The following PTPRG variants were observed in gnomAD, a reference collection of about 807,000 sequenced individuals.
The protein encoded by PTPRG is protein tyrosine phosphatase receptor type G.
Under a neutral mutation model 165.3 loss-of-function variants are expected in PTPRG, and 102 were observed. That is an observed-to-expected ratio of 0.62 (90% CI 0.53 to 0.73). The LOEUF (loss-of-function observed/expected upper bound fraction) is 0.73, where lower values mean the gene tolerates loss of function less well. Ranked by LOEUF, PTPRG falls within the 30% of genes least tolerant of loss-of-function variation. PTPRG has a pLI of 0.00. For missense variants in PTPRG, 1,866 were observed against 1,861.4 expected (o/e 1.00, Z -0.05); for synonymous variants, 675 against 669.5 (o/e 1.01, Z -0.13).
At chr3:61,617,809 G>T (rs1451465003) in intron 1 of PTPRG, among the ~76,000 whole-genome samples, 1 of 152,068 alleles carries the variant, frequency 6.6e-6, no homozygotes, top group Non-Finnish European at 1.5e-5. Context: ...TGTTCTTAGG[G>T]CCTGCCTTCT....
At chr3:61,967,394 A>T (rs1043293695) in intron 2 of PTPRG, among the ~76,000 whole-genome samples, 1 of 152,158 alleles carries the variant, frequency 6.6e-6, no homozygotes, top group Non-Finnish European at 1.5e-5. Context: ...CAAGACCTTC[A>T]GTTCATCTCA....
chr3:61,673,133 G>A (rs4499590), intron 1 of PTPRG, among the ~76,000 whole-genome samples: 111,831 of 152,070 alleles, frequency 0.74, 42,076 homozygotes, highest in East Asian at 0.91. Context: ...CTGCACTCCA[G>A]CCTAGGCAAC....
intron 1 of PTPRG, among the ~76,000 whole-genome samples, chr3:61,738,457 G>T (rs572134256): frequency 1.3e-5 from 2 of 151,106 alleles, no homozygotes; most frequent in East Asian, 3.9e-4. Flanking sequence ...CCAAAGTTAG[G>T]TGACATAGTT....
At chr3:61,938,923 A>G (rs2039544995) in intron 2 of PTPRG, among the ~76,000 whole-genome samples, 1 of 152,234 alleles carries the variant, frequency 6.6e-6, no homozygotes, top group Non-Finnish European at 1.5e-5. Context: ...ATTAATTCCC[A>G]TAATAACTGA....
intron 8 of PTPRG, among the ~76,000 whole-genome samples, chr3:62,188,580 C>A (rs955368691): frequency 6.6e-6 from 1 of 151,960 alleles, no homozygotes; most frequent in African/African-American, 2.4e-5. Flanking sequence ...ACTTGGGTTC[C>A]TTTTTTAAAA....
At chr3:61,721,860 G>A (rs528869973) in intron 1 of PTPRG, among the ~76,000 whole-genome samples, 1 of 152,080 alleles carries the variant, frequency 6.6e-6, no homozygotes, top group Non-Finnish European at 1.5e-5. Context: ...GACAATCAGC[G>A]ACCAGTGAAC....
intron 14 of PTPRG, among the ~76,000 whole-genome samples, chr3:62,236,983 T>G (rs1308168696): frequency 6.6e-6 from 1 of 152,114 alleles, no homozygotes; most frequent in Non-Finnish European, 1.5e-5. Flanking sequence ...GTTTGTTTGT[T>G]TGTTTGTTTG....
intron 5 of PTPRG, among the ~76,000 whole-genome samples, chr3:62,105,265 C>T (rs1309944587): frequency 1.3e-5 from 2 of 152,178 alleles, no homozygotes; most frequent in East Asian, 1.9e-4. Context: ...CCAGGGCATC[C>T]GTATTAGCAG....
chr3:62,017,591 A>AT (rs11324791), intron 4 of PTPRG, among the ~76,000 whole-genome samples: 1,836 of 142,796 alleles, frequency 0.013, 50 homozygotes, highest in African/African-American at 0.042. Context: ...AATTTTTTGT[A>AT]TTTTTTTTTT....
intron 1 of PTPRG, among the ~76,000 whole-genome samples, chr3:61,738,275 T>C (rs200393668): frequency 0.042 from 2,876 of 68,654 alleles, 332 homozygotes; most frequent in African/African-American, 0.11. Flanking sequence ...TATATATATA[T>C]ATACATATAT....
intron 1 of PTPRG, among the ~76,000 whole-genome samples, chr3:61,669,547 T>C (rs1000739753): frequency 1.3e-5 from 2 of 152,262 alleles, no homozygotes; most frequent in Admixed American, 6.5e-5. Context: ...CCATTTCAGA[T>C]AGAGAGTTAA....
intron 1 of PTPRG, among the ~76,000 whole-genome samples, chr3:61,653,406 C>A (rs909290918): frequency 6.6e-6 from 1 of 152,072 alleles, no homozygotes; most frequent in African/African-American, 2.4e-5. Context: ...AGTGATCCTC[C>A]ATAAATGGGC....
intron 1 of PTPRG, among the ~76,000 whole-genome samples, chr3:61,566,430 C>T (rs577990595): frequency 1.3e-3 from 198 of 152,346 alleles, no homozygotes; most frequent in African/African-American, 4.4e-3. Flanking sequence ...TTGGCATTCA[C>T]GTGAGATCAC....
At chr3:62,076,498 G>T (rs141727507) in intron 4 of PTPRG, among the ~76,000 whole-genome samples, 2,410 of 149,064 alleles carry the variant, frequency 0.016, 62 homozygotes, top group African/African-American at 0.056. Context: ...GGTTTTTTTT[G>T]TTTGTTTGTT....
At chr3:61,604,720 A>C (rs1418136746) in intron 1 of PTPRG, among the ~76,000 whole-genome samples, 1 of 151,976 alleles carries the variant, frequency 6.6e-6, no homozygotes, top group Non-Finnish European at 1.5e-5. Flanking sequence ...ACTGCCATTC[A>C]TCAGCTTGCT....
intron 1 of PTPRG, among the ~76,000 whole-genome samples, chr3:61,690,750 G>A (rs920568988): frequency 1.3e-5 from 2 of 151,948 alleles, no homozygotes; most frequent in African/African-American, 2.4e-5. Flanking sequence ...GCCCTTCAAA[G>A]TATTTAGCCA....
chr3:62,250,295 C>G (rs577403768), intron 15 of PTPRG, among the ~76,000 whole-genome samples: 25 of 152,198 alleles, frequency 1.6e-4, no homozygotes, highest in South Asian at 4.2e-4. Flanking sequence ...CCACTTATAC[C>G]GCTGCCTCTG....
At chr3:61,831,306 A>G (rs1427839940) in intron 2 of PTPRG, among the ~76,000 whole-genome samples, 1 of 152,240 alleles carries the variant, frequency 6.6e-6, no homozygotes, top group Admixed American at 6.5e-5. Flanking sequence ...ATACCCATTT[A>G]TGGTGAAGAG....
In PTPRG at chr3:61,642,244, C is replaced by T. The variant is rs114648022; in HGVS notation, c.85+79872C>T. On this transcript the variant is annotated intron_variant, in intron 1 of 29. Coordinates refer to ENST00000474889, the MANE Select transcript of PTPRG (RefSeq NM_002841.4). Reference sequence around the variant, plus strand: ...GCGTATGCCTCTCTCTCCTTGGGGCCGTCAGCCTTGCAGTTTGTAAAGCCA... The same window carrying T: ...GCGTATGCCTCTCTCTCCTTGGGGCTGTCAGCCTTGCAGTTTGTAAAGCCA... Among the ~76,000 whole-genome samples the T allele has an allele frequency of 6.8e-3, 1,038 of 152,190 alleles. 12 individuals are homozygous for T. Among genetic ancestry groups the T allele is most frequent in the African/African-American group, 0.023 (965 of 41,516 alleles).
Sources: allele counts gnomAD v4.1 joint callset (sites outside exome capture counted in the v4.1 genomes callset), GRCh38; gene constraint gnomAD v4.1.1; transcripts MANE v1.5; gene names NCBI Gene and HGNC (gene_info 2026-07-23, HGNC 2026-07-21).